VGLL3: variants seen among roughly 807,000 people sequenced by gnomAD.
VGLL3 encodes vestigial like family member 3, also known as transcription cofactor vestigial-like protein 3.
A neutral mutation model predicts 29.2 loss-of-function variants in VGLL3; 18 were observed. That is an observed-to-expected ratio of 0.62 (90% CI 0.43 to 0.91). The LOEUF (loss-of-function observed/expected upper bound fraction) is 0.91. Ranked by LOEUF, VGLL3 falls within the 40% of genes least tolerant of loss-of-function variation. The pLI is 0.00. For missense variants in VGLL3, 440 were observed against 413.2 expected, an observed-to-expected ratio of 1.06 and a Z score of -0.56; for synonymous variants, 180 against 151.8, an observed-to-expected ratio of 1.19 and a Z score of -1.36.
intron 1 of VGLL3, among the ~76,000 whole-genome samples, chr3:86,989,795 T>C (rs762354200): frequency 2.0e-5 from 3 of 152,170 alleles, no homozygotes; most frequent in Non-Finnish European, 4.4e-5. Flanking sequence ...ACACTCTCCG[T>C]TGTATCCAGA....
intron 1 of VGLL3, among the ~76,000 whole-genome samples, chr3:86,982,108 C>T (rs1575879595): frequency 6.6e-6 from 1 of 152,056 alleles, no homozygotes; most frequent in Non-Finnish European, 1.5e-5. Flanking sequence ...TTTCTAATGT[C>T]TGTGTTCTGT....
At position 86,954,921 on chromosome 3, in the gene VGLL3, A is replaced by G. The variant is rs902552892; in HGVS notation, c.938-7854T>C. 2.0e-5 allele frequency among the ~76,000 whole-genome samples: 3 copies of G among 151,986 alleles called. 1 individual carries two copies. Among genetic ancestry groups the G allele is most frequent in the Admixed American group, 6.6e-5 (1 of 15,258 alleles). On this transcript the variant is annotated intron_variant, in intron 3 of 3. Coordinates refer to ENST00000398399, the MANE Select transcript of VGLL3 (RefSeq NM_016206.4). ...CAAAACCAAAAAAAAAAAAGCTTGG[A>G]TCACTTATTGTAACCAAAACCACAA...
chr3:86,989,880 C>T (rs1224245101), intron 1 of VGLL3, among the ~76,000 whole-genome samples: 1 of 152,124 alleles, frequency 6.6e-6, no homozygotes, highest in Non-Finnish European at 1.5e-5. Context: ...TATATCATCT[C>T]CTCAGTTCAC....
chr3:86,954,630 T>A (rs1018770975), intron 3 of VGLL3, among the ~76,000 whole-genome samples: 1 of 152,090 alleles, frequency 6.6e-6, no homozygotes, highest in Admixed American at 6.5e-5. Flanking sequence ...TAGTTTTTTT[T>A]ATCATAGTGG....
chr3:86,990,355 AGG>A, intron 1 of VGLL3: 2 of 985,410 alleles, frequency 2.0e-6, no homozygotes, highest in Non-Finnish European at 2.4e-6. Context: ...CCTAAGAGCT[AGG>A]GTGCCTAGGA....
rs1456954858 is a variant in VGLL3 at position 86,946,962 on chromosome 3, G to A, written c.*62C>T. On this transcript the variant is annotated 3_prime_UTR_variant, in exon 4 of 4. Coordinates refer to ENST00000398399, the MANE Select transcript of VGLL3 (RefSeq NM_016206.4). The stretch of plus-strand genomic sequence containing the variant: ...TATTGCTGAATGGAAAAACCCGACA[G>A]TATCTTTTCCCAGTGGGCCCTTGGA... 1 of 772,182 alleles carries A rather than the reference G, an allele frequency of 1.3e-6. No individual in the cohort carries two copies. The highest frequency in any genetic ancestry group is 2.4e-6 in the Non-Finnish European group (1 of 413,904). The allele number at this position is 772,182 out of a possible 1,614,324, so 47.8% of individuals were successfully genotyped here.
intron 3 of VGLL3, among the ~76,000 whole-genome samples, chr3:86,966,691 C>T (rs1044176228): frequency 6.9e-6 from 1 of 145,602 alleles, no homozygotes; most frequent in Non-Finnish European, 1.5e-5. Context: ...GTTTTCTGAG[C>T]CTCAGGTTTC....
At chr3:86,967,104 T>C (rs897325205) in intron 3 of VGLL3, among the ~76,000 whole-genome samples, 1 of 151,920 alleles carries the variant, frequency 6.6e-6, no homozygotes, top group Non-Finnish European at 1.5e-5. Flanking sequence ...ATCACATCCA[T>C]TTCCCCCCTT....
chr3:86,947,496 T>C (rs954764999), intron 3 of VGLL3, among the ~76,000 whole-genome samples: 3 of 152,172 alleles, frequency 2.0e-5, no homozygotes, highest in African/African-American at 7.2e-5. Context: ...TTTAGACTAA[T>C]GTGATAAATA....
rs551032103 is a variant in VGLL3, at chr3:86,949,682, C to A, written c.938-2615G>T. 2.4e-4 allele frequency among the ~76,000 whole-genome samples: 37 copies of A among 151,780 alleles called. No individual in the cohort carries two copies. In the South Asian group the frequency reaches 7.5e-3, roughly 31 times the overall value. ...TCCACTAAAAACACAAAAAATTAGC[C>A]GGGCGTGATGGCGGGCGCCCTGTAG... On this transcript the variant is annotated intron_variant, in intron 3 of 3. Coordinates refer to ENST00000398399, the MANE Select transcript of VGLL3 (RefSeq NM_016206.4).
chr3:86,990,721 T>C lies in VGLL3; in HGVS notation c.23A>G (p.Tyr8Cys). Residue 8 changes from tyrosine (Y) to cysteine (C), a missense_variant, in exon 1 of 4, where the codon TAT (tyrosine) becomes TGT (cysteine). Physicochemically the swap from Tyr to Cys is radical, Grantham distance 194 (BLOSUM62 -2). Coordinates refer to ENST00000398399, the MANE Select transcript of VGLL3 (RefSeq NM_016206.4). The part of the protein sequence containing the change: MSCAEVM[Y>C]HPQPYGASQY... Reference sequence around the variant, plus strand: ...GGACGCTCCATAAGGCTGGGGGTGATACATCACCTCCGCACAACTCATGGC... The same window carrying C: ...GGACGCTCCATAAGGCTGGGGGTGACACATCACCTCCGCACAACTCATGGC... The C allele has an allele frequency of 7.5e-7, 1 of 1,342,270 alleles. No individual in the cohort carries two copies. The highest frequency in any genetic ancestry group is 9.6e-7 in the Non-Finnish European group (1 of 1,038,606). 83.1% of individuals were successfully genotyped at this position (1,342,270 alleles called of 1,614,324 possible).
intron 3 of VGLL3, among the ~76,000 whole-genome samples, chr3:86,952,520 A>C (rs1704636871): frequency 6.6e-6 from 1 of 152,148 alleles, no homozygotes; most frequent in Non-Finnish European, 1.5e-5. Context: ...AAAAAAAGAG[A>C]ACATAAATAG....
Position 86,991,025 on chromosome 3 carries a change from G to A in VGLL3, c.-282C>T. ...GCTCAGGGACGCAGCCGCCCGCTGC[G>A]CCGCTGGGGCATTACCGCGTCCGGC... On this transcript the variant is annotated 5_prime_UTR_variant, in exon 1 of 4. Coordinates refer to ENST00000398399, the MANE Select transcript of VGLL3 (RefSeq NM_016206.4). The A allele has an allele frequency of 1.3e-6, 1 of 797,202 alleles. No individual in the cohort carries two copies. The highest frequency in any genetic ancestry group is 1.5e-6 in the Non-Finnish European group (1 of 652,750). 49.4% of individuals were successfully genotyped at this position (797,202 alleles called of 1,614,324 possible). A position where few individuals can be genotyped will look rare whatever the true frequency, so the allele number is the denominator to read the frequency against.
intron 3 of VGLL3, among the ~76,000 whole-genome samples, chr3:86,952,970 A>G (rs1041394624): frequency 1.7e-4 from 26 of 152,182 alleles, no homozygotes; most frequent in African/African-American, 6.3e-4. Context: ...CACTTTAAAT[A>G]CTAGTGAAGA....
intron 1 of VGLL3, among the ~76,000 whole-genome samples, chr3:86,988,100 G>A (rs1379126223): frequency 5.9e-5 from 9 of 152,084 alleles, no homozygotes; most frequent in Admixed American, 5.2e-4. Context: ...CAGTTTGAGG[G>A]GGAAATTAGT....
chr3:86,951,836 C>A (rs1704624632), intron 3 of VGLL3, among the ~76,000 whole-genome samples: 1 of 152,050 alleles, frequency 6.6e-6, no homozygotes, highest in South Asian at 2.1e-4. Flanking sequence ...ATGTGGGTAT[C>A]CCACAGCAGA....
chr3:86,988,088 T>C (rs1705489936), intron 1 of VGLL3, among the ~76,000 whole-genome samples: 1 of 152,190 alleles, frequency 6.6e-6, no homozygotes, highest in African/African-American at 2.4e-5. Context: ...TTCAGAGCCA[T>C]ACAGTTTGAG....
In VGLL3 at chr3:86,978,647, G is replaced by GAAATAAGTGA. The variant is rs1190802276; in HGVS notation, c.272_281dup (p.Gln95HisfsTer13). ...CCACTACTGACCCAATGTCTCCCTG[G>GAAATAAGTGA]AAATAAGTGAAAAGGACACAGCGAG... On this transcript the variant is annotated frameshift_variant, in exon 2 of 4. Transcript: ENST00000398399. LOFTEE classifies it high-confidence loss of function. 1.2e-6 allele frequency: 2 copies of GAAATAAGTGA among 1,614,006 alleles called. No homozygotes were observed. Among genetic ancestry groups the GAAATAAGTGA allele is most frequent in the Non-Finnish European group, 1.7e-6 (2 of 1,180,030 alleles).
chr3:86,950,608 T>C (rs552350305), intron 3 of VGLL3, among the ~76,000 whole-genome samples: 1 of 152,292 alleles, frequency 6.6e-6, no homozygotes, highest in African/African-American at 2.4e-5. Flanking sequence ...ACACCCTGAT[T>C]TAACAGAACT....
Sources: allele counts gnomAD v4.1 joint callset (sites outside exome capture counted in the v4.1 genomes callset), GRCh38; gene constraint gnomAD v4.1.1; transcripts MANE v1.5; gene names NCBI Gene and HGNC (gene_info 2026-07-23, HGNC 2026-07-21).